Variants in BRINP3 observed in about 807,000 individuals in gnomAD.
BRINP3 encodes BMP/retinoic acid inducible neural specific 3.
BRINP3 carries 19 observed loss-of-function variants against 71.0 expected under a neutral mutation model. The observed-to-expected ratio is 0.27, with a 90% CI of 0.19 to 0.39. BRINP3 has a LOEUF of 0.39. Among genes scored for constraint, BRINP3 ranks in the 10% least tolerant of loss-of-function variants. The probability of loss-of-function intolerance (pLI) is 1.00; values close to 1 mark genes in which losing one functional copy is unlikely to be tolerated. For missense variants in BRINP3, 959 were observed against 940.8 expected (o/e 1.02, Z -0.25); for synonymous variants, 380 against 337.7 (o/e 1.13, Z -1.37).
At chr1:190,299,775 G>T (rs1277470589) in intron 2 of BRINP3, among the ~76,000 whole-genome samples, 1 of 151,856 alleles carries the variant, frequency 6.6e-6, no homozygotes, top group Non-Finnish European at 1.5e-5. Context: ...GCATTTGCTT[G>T]TCTGTAAAGT....
intron 4 of BRINP3, among the ~76,000 whole-genome samples, chr1:190,262,368 G>A (rs988259616): frequency 1.3e-5 from 2 of 152,036 alleles, no homozygotes; most frequent in African/African-American, 2.4e-5. Context: ...CCTATTCCCC[G>A]CTACCTCACC....
intron 6 of BRINP3, among the ~76,000 whole-genome samples, chr1:190,171,048 A>G (rs922003322): frequency 6.6e-5 from 10 of 152,234 alleles, no homozygotes; most frequent in African/African-American, 2.4e-4. Flanking sequence ...TGCCTATGAG[A>G]CTGAAACTCA....
intron 6 of BRINP3, among the ~76,000 whole-genome samples, chr1:190,209,886 G>A (rs947936531): frequency 6.6e-6 from 1 of 152,024 alleles, no homozygotes. Context: ...TAGTCCACTT[G>A]TATGCTTTAG....
At chr1:190,197,684 C>T (rs12751641) in intron 6 of BRINP3, among the ~76,000 whole-genome samples, 2 of 152,180 alleles carry the variant, frequency 1.3e-5, no homozygotes, top group African/African-American at 4.8e-5. Context: ...CTCCCATAGC[C>T]TTGGGCAGCT....
intron 4 of BRINP3, among the ~76,000 whole-genome samples, chr1:190,250,343 G>A (rs369030770): frequency 6.3e-4 from 95 of 151,978 alleles, no homozygotes; most frequent in African/African-American, 2.1e-3. Flanking sequence ...AATTTAAGAC[G>A]GAGAAATAAT....
intron 3 of BRINP3, among the ~76,000 whole-genome samples, chr1:190,276,384 T>C (rs1412466791): frequency 1.3e-5 from 2 of 151,694 alleles, no homozygotes; most frequent in Non-Finnish European, 3.0e-5. Flanking sequence ...CTGAATACTT[T>C]ATACAGAACA....
chr1:190,327,352 G>GAAAAA (rs796445574), intron 2 of BRINP3, among the ~76,000 whole-genome samples: 33 of 77,398 alleles, frequency 4.3e-4, no homozygotes, highest in Non-Finnish European at 8.2e-4. Context: ...AAAAAAAAAG[G>GAAAAA]AAAAAAAAAA....
chr1:190,151,055 T>C (rs948309996), intron 7 of BRINP3, among the ~76,000 whole-genome samples: 2 of 151,934 alleles, frequency 1.3e-5, no homozygotes, highest in South Asian at 2.1e-4. Context: ...GGTAAGGCCA[T>C]AGAATCGCTT....
intron 2 of BRINP3, among the ~76,000 whole-genome samples, chr1:190,295,614 G>A (rs1018549629): frequency 6.6e-6 from 1 of 152,110 alleles, no homozygotes; most frequent in Non-Finnish European, 1.5e-5. Context: ...TCTGTTACTT[G>A]GGTGGCAGAT....
chr1:190,377,212 C>A (rs182150537), intron 2 of BRINP3, among the ~76,000 whole-genome samples: 171 of 152,180 alleles, frequency 1.1e-3, no homozygotes, highest in Non-Finnish European at 1.8e-3. Flanking sequence ...CCACATATAT[C>A]TCTAATCTGT....
intron 2 of BRINP3, among the ~76,000 whole-genome samples, chr1:190,373,503 T>C (rs1472275416): frequency 6.6e-6 from 1 of 151,610 alleles, no homozygotes; most frequent in Non-Finnish European, 1.5e-5. Context: ...TGTATATATA[T>C]ACACACACAC....
chr1:190,121,084 A>C (rs1331824391), intron 7 of BRINP3, among the ~76,000 whole-genome samples: 3 of 152,168 alleles, frequency 2.0e-5, no homozygotes, highest in African/African-American at 7.2e-5. Context: ...AAAATTATCT[A>C]TGAAATCATG....
intron 2 of BRINP3, among the ~76,000 whole-genome samples, chr1:190,447,563 C>T (rs547772370): frequency 4.1e-5 from 6 of 146,994 alleles, no homozygotes; most frequent in Non-Finnish European, 6.0e-5. Context: ...TATAAATGTA[C>T]GTACACACAC....
chr1:190,319,622 T>C (rs1392179627), intron 2 of BRINP3, among the ~76,000 whole-genome samples: 1 of 152,034 alleles, frequency 6.6e-6, no homozygotes, highest in Non-Finnish European at 1.5e-5. Flanking sequence ...AGCCAGCATG[T>C]CTTACATGGC....
At chr1:190,468,555 A>G (rs1436413910) in intron 1 of BRINP3, among the ~76,000 whole-genome samples, 1 of 151,280 alleles carries the variant, frequency 6.6e-6, no homozygotes, top group Non-Finnish European at 1.5e-5. Flanking sequence ...CTAAAAGGAA[A>G]CAAGAATCCT....
At chr1:190,177,237 A>T (rs1361421616) in intron 6 of BRINP3, among the ~76,000 whole-genome samples, 1 of 130,140 alleles carries the variant, frequency 7.7e-6, no homozygotes, top group African/African-American at 3.0e-5. Context: ...GTCTCCACTC[A>T]CTGCAAACTC....
At chr1:190,295,311 G>A (rs554688367) in intron 2 of BRINP3, among the ~76,000 whole-genome samples, 8 of 152,180 alleles carry the variant, frequency 5.3e-5, no homozygotes, top group Admixed American at 2.0e-4. Context: ...GGTGGGGTTC[G>A]TACTTGGGTC....
At chr1:190,448,108 T>C (rs577270489) in intron 2 of BRINP3, among the ~76,000 whole-genome samples, 129 of 151,716 alleles carry the variant, frequency 8.5e-4, no homozygotes, top group Non-Finnish European at 1.6e-3. Flanking sequence ...TGAAAGAATT[T>C]CCTATTGTAT....
At chr1:190,468,633 T>C (rs991541297) in intron 1 of BRINP3, among the ~76,000 whole-genome samples, 6 of 151,098 alleles carry the variant, frequency 4.0e-5, no homozygotes, top group Non-Finnish European at 7.4e-5. Context: ...GACCAAAATA[T>C]AAAGATAGCT....
Sources: gnomAD v4.1 joint callset for allele counts (sites outside exome capture counted in the v4.1 genomes callset) on GRCh38, gnomAD v4.1.1 for gene constraint, MANE v1.5 for transcripts, NCBI Gene and HGNC (gene_info 2026-07-23, HGNC 2026-07-21) for gene names.